The following BCL2L14 variants were observed in gnomAD, a reference collection of about 807,000 sequenced individuals.
The protein encoded by BCL2L14 is apoptosis facilitator Bcl-2-like protein 14.
Under a neutral mutation model 35.3 loss-of-function variants are expected in BCL2L14, and 27 were observed. The observed-to-expected ratio is 0.76, with a 90% CI of 0.56 to 1.05. The LOEUF (loss-of-function observed/expected upper bound fraction) is 1.05, where lower values mean the gene tolerates loss of function less well. Among genes scored for constraint, BCL2L14 ranks in the 50% least tolerant of loss-of-function variants. The probability of loss-of-function intolerance (pLI) is 0.00; values close to 1 mark genes in which losing one functional copy is unlikely to be tolerated. For synonymous variants in BCL2L14, 139 were observed against 145.9 expected (o/e 0.95, Z 0.34); for missense variants, 377 against 382.6 (o/e 0.99, Z 0.12).
chr12:12,070,352 C>T (rs1218979523), upstream of BCL2L14, among the ~76,000 whole-genome samples: 1 of 152,200 alleles, frequency 6.6e-6, no homozygotes, highest in Non-Finnish European at 1.5e-5. Context: ...CTCATCTGTG[C>T]AATGGGAATC....
chr12:12,088,280 G>A (rs1949092537), intron 3 of BCL2L14, among the ~76,000 whole-genome samples: 1 of 152,172 alleles, frequency 6.6e-6, no homozygotes, highest in Non-Finnish European at 1.5e-5. Flanking sequence ...GGTTTGAGGA[G>A]GTGGTGTCTG....
intron 1 of BCL2L14, chr12:12,071,456 G>A (rs941103972): frequency 1.3e-5 from 2 of 152,118 alleles, no homozygotes; most frequent in Non-Finnish European, 2.9e-5. Flanking sequence ...TTATGTATCT[G>A]GGGAGGTATG....
intron 4 of BCL2L14, among the ~76,000 whole-genome samples, chr12:12,093,943 A>C (rs559919930): frequency 1.3e-4 from 19 of 151,360 alleles, no homozygotes; most frequent in Non-Finnish European, 2.5e-4. Flanking sequence ...ATCTCTACAA[A>C]AAAATAGAAA....
rs896313832 is a variant in BCL2L14 at position 12,099,288 on chromosome 12, C to T, written c.*300C>T. 1.9e-5 allele frequency: 7 copies of T among 359,190 alleles called. No homozygotes were observed. The East Asian group carries it at 3.7e-4, about 19-fold the overall frequency. 22.3% of individuals were successfully genotyped at this position (359,190 alleles called of 1,614,324 possible). On this transcript the variant is annotated 3_prime_UTR_variant, in exon 6 of 6. Transcript: ENST00000308721. ...GTTCAGAACAGATACCATCATCCTG[C>T]CTTTGTTAGCTGCTGTAGGGAAAGT...
Position 12,091,964 on chromosome 12 carries a change from C to T in BCL2L14, c.678+1115C>T, listed in dbSNP as rs556082228. On this transcript the variant is annotated intron_variant, in intron 4 of 5. Coordinates refer to ENST00000308721, the MANE Select transcript of BCL2L14 (RefSeq NM_138723.2). The stretch of plus-strand genomic sequence containing the variant: ...CCTGGAGAATAGGCATTCCAGGCTG[C>T]CCATGAGAGTCAACGGGTGCCTTGT... Among the ~76,000 whole-genome samples the T allele has an allele frequency of 2.0e-5, 3 of 152,298 alleles. No homozygotes were observed. In the East Asian group the frequency reaches 5.8e-4, roughly 29 times the overall value.
intron 5 of BCL2L14, among the ~76,000 whole-genome samples, chr12:12,097,612 T>C (rs1052358943): frequency 3.3e-5 from 5 of 152,232 alleles, no homozygotes; most frequent in Admixed American, 6.5e-5. Flanking sequence ...AGGCGATGTT[T>C]GCATAACTCT....
intron 2 of BCL2L14, among the ~76,000 whole-genome samples, chr12:12,056,945 G>C (rs753355866): frequency 6.6e-6 from 1 of 152,192 alleles, no homozygotes; most frequent in Non-Finnish European, 1.5e-5. Context: ...CTGAGGTCCA[G>C]ATAATTTAAG....
At chr12:12,089,605 G>A (rs1336694858) in intron 3 of BCL2L14, among the ~76,000 whole-genome samples, 2 of 151,942 alleles carry the variant, frequency 1.3e-5, no homozygotes, top group Non-Finnish European at 2.9e-5. Context: ...GGCTGAGGCA[G>A]GAGAATCACT....
Position 12,094,945 on chromosome 12 carries a change from TTTA to T in BCL2L14, c.945+16_945+18del. ...ACGGTGGATGGGTAAGCGTATCCTA[TTTA>T]AAAACAAATTTTCTCAGAACTCAGA... On this transcript the variant is annotated intron_variant, in intron 5 of 5. Coordinates refer to ENST00000308721, the MANE Select transcript of BCL2L14 (RefSeq NM_138723.2). 6.2e-7 allele frequency: 1 copy of T among 1,604,748 alleles called. No individual in the cohort carries two copies. The highest frequency in any genetic ancestry group is 1.1e-5 in the South Asian group (1 of 90,492).
intron 2 of BCL2L14, among the ~76,000 whole-genome samples, chr12:12,082,928 C>A (rs1948958284): frequency 6.6e-6 from 1 of 152,056 alleles, no homozygotes; most frequent in South Asian, 2.1e-4. Context: ...ACAAATCAGG[C>A]CTTGCAAATT....
At chr12:12,095,234 T>C (rs777885683) in intron 5 of BCL2L14, 58 of 985,252 alleles carry the variant, frequency 5.9e-5, no homozygotes, top group Non-Finnish European at 6.9e-5. Flanking sequence ...AGACGTAATT[T>C]CTGTTTTCAC....
At chr12:12,092,408 T>C (rs892723960) in intron 4 of BCL2L14, among the ~76,000 whole-genome samples, 13 of 152,226 alleles carry the variant, frequency 8.5e-5, no homozygotes, top group Non-Finnish European at 1.5e-5. Flanking sequence ...TAGAGACACA[T>C]GGTAGGTGTG....
intron 2 of BCL2L14, 97 bp from the exon 3 acceptor site, chr12:12,087,116 T>C: frequency 7.5e-7 from 1 of 1,333,556 alleles, no homozygotes; most frequent in Non-Finnish European, 1.0e-6. Flanking sequence ...TTTCCTTCTA[T>C]TCTGGCCTGG....
intron 2 of BCL2L14, among the ~76,000 whole-genome samples, chr12:12,057,706 G>C (rs537461738): frequency 6.8e-6 from 1 of 147,014 alleles, no homozygotes; most frequent in Non-Finnish European, 1.5e-5. Flanking sequence ...GCAGTGAGCC[G>C]AGATCGCACC....
chr12:12,095,740 CTG>C (rs1246304195), intron 5 of BCL2L14: 14 of 985,274 alleles, frequency 1.4e-5, no homozygotes, highest in Non-Finnish European at 1.7e-5. Flanking sequence ...TGGAGTGACC[CTG>C]GGACCTCCAC....
chr12:12,052,225 C>T (rs1439613761), intron 2 of BCL2L14, among the ~76,000 whole-genome samples: 1 of 152,124 alleles, frequency 6.6e-6, no homozygotes, highest in Non-Finnish European at 1.5e-5. Flanking sequence ...ACAAACTTAC[C>T]AATTTTTTGC....
At chr12:12,081,020 C>T (rs926915563) in intron 2 of BCL2L14, among the ~76,000 whole-genome samples, 3 of 151,894 alleles carry the variant, frequency 2.0e-5, no homozygotes, top group African/African-American at 4.8e-5. Context: ...CCTGTCTCTA[C>T]CAAAAAATAC....
intron 2 of BCL2L14, among the ~76,000 whole-genome samples, chr12:12,085,679 A>C (rs552208277): frequency 6.6e-6 from 1 of 152,238 alleles, no homozygotes; most frequent in South Asian, 2.1e-4. Flanking sequence ...CCTTTCCGTG[A>C]ATGGCTGGAG....
intron 2 of BCL2L14, among the ~76,000 whole-genome samples, chr12:12,060,365 C>T (rs578149474): frequency 6.7e-4 from 69 of 102,592 alleles, no homozygotes; most frequent in Middle Eastern, 4.3e-3. Flanking sequence ...AACCCTGAGA[C>T]ACTTTACAGC....
Sources: gnomAD v4.1 joint callset for allele counts (sites outside exome capture counted in the v4.1 genomes callset) on GRCh38, gnomAD v4.1.1 for gene constraint, MANE v1.5 for transcripts, NCBI Gene and HGNC (gene_info 2026-07-23, HGNC 2026-07-21) for gene names.